Variants in WDR37 observed in about 807,000 individuals in gnomAD.
WDR37 encodes the protein WD repeat-containing protein 37.
A neutral mutation model predicts 62.9 loss-of-function variants in WDR37; 19 were observed. The observed-to-expected ratio is 0.30, with a 90% CI of 0.21 to 0.44. The LOEUF (loss-of-function observed/expected upper bound fraction) is 0.44, where lower values mean the gene tolerates loss of function less well. Among genes scored for constraint, WDR37 ranks in the 20% least tolerant of loss-of-function variants. The pLI, the probability that WDR37 is intolerant of heterozygous loss-of-function variation, is 1.00. For synonymous variants in WDR37, 250 were observed against 260.9 expected (o/e 0.96, Z 0.40); for missense variants, 474 against 657.6 (o/e 0.72, Z 3.05).
chr10:1,116,204 C>G (rs1329366831), intron 11 of WDR37, among the ~76,000 whole-genome samples: 1 of 151,828 alleles, frequency 6.6e-6, no homozygotes, highest in Non-Finnish European at 1.5e-5. Context: ...CCTGGGTTGT[C>G]TCTGCCCTGT....
In WDR37 at chr10:1,124,296, C is replaced by T; in HGVS notation, c.1182C>T (p.Asp394=). The change falls in exon 12 of 14, where the codon GAC becomes GAT. Residue 394 remains aspartate, a synonymous_variant. Transcript: ENST00000263150. ...ATGACCGCACGGTGAAAGTCTGGGA[C>T]TTGAAAAATATGAGATCCCCCATTG... The part of the protein sequence containing the change: ...GSDDRTVKVW[D]LKNMRSPIAT... 6.2e-7 allele frequency: 1 copy of T among 1,614,178 alleles called. No homozygotes were observed.
intron 2 of WDR37, among the ~76,000 whole-genome samples, chr10:1,077,371 T>C (rs1215661176): frequency 6.6e-6 from 1 of 152,202 alleles, no homozygotes; most frequent in African/African-American, 2.4e-5. Context: ...TTTGGCTCTT[T>C]TTTGTGAAAT....
At position 1,131,047 on chromosome 10, in the gene WDR37, C is replaced by T. The variant is rs1835938124; in HGVS notation, c.*1703C>T. The T allele has an allele frequency of 2.0e-5, 3 of 152,242 alleles. No individual in the cohort carries two copies. The allele number at this position is 152,242 out of a possible 1,614,324, so 9.4% of individuals were successfully genotyped here. On this transcript the variant is annotated 3_prime_UTR_variant, in exon 14 of 14. Transcript: ENST00000263150. Reference sequence around the variant, plus strand: ...GTTGTGTTTTTGTCCGACATTATTTCCTGACTGCACTGTTCTGAGAATGGA... The same window carrying T: ...GTTGTGTTTTTGTCCGACATTATTTTCTGACTGCACTGTTCTGAGAATGGA...
At chr10:1,089,111 G>C (rs1226363831) in intron 7 of WDR37, among the ~76,000 whole-genome samples, 1 of 152,074 alleles carries the variant, frequency 6.6e-6, no homozygotes, top group East Asian at 1.9e-4. Context: ...CAGGCCCTGA[G>C]CTTTAGTTTC....
Position 1,129,368 on chromosome 10 carries a change from A to G in WDR37, c.*24A>G, listed in dbSNP as rs370475019. 5 of 1,613,506 alleles carry G rather than the reference A, an allele frequency of 3.1e-6. No homozygotes were observed. The highest frequency in any genetic ancestry group is 4.2e-6 in the Non-Finnish European group (5 of 1,179,636). Reference sequence around the variant, plus strand: ...AAGGACACCGGCAGCCCTTAGTTTCACTGTTTGCCAGCACAGACCTTTGAT... The same window carrying G: ...AAGGACACCGGCAGCCCTTAGTTTCGCTGTTTGCCAGCACAGACCTTTGAT... On this transcript the variant is annotated 3_prime_UTR_variant, in exon 14 of 14. Coordinates refer to ENST00000263150, the MANE Select transcript of WDR37 (RefSeq NM_014023.4).
rs117164600 is a variant in WDR37 at position 1,062,204 on chromosome 10, A to G, written c.-41+5236A>G. 3.2e-3 allele frequency among the ~76,000 whole-genome samples: 488 copies of G among 152,296 alleles called. 7 individuals carry two copies. Among genetic ancestry groups the G allele is most frequent in the Non-Finnish European group, 1.7e-3 (113 of 68,022 alleles). The stretch of plus-strand genomic sequence containing the variant: ...GGAGGTGATTGTAGGAAATGCATAC[A>G]TTTGGTTGTAGTTGATCAGCAGAAA... On this transcript the variant is annotated intron_variant, in intron 1 of 13. Transcript: ENST00000263150.
At position 1,077,939 on chromosome 10, in the gene WDR37, A is replaced by G. The variant is rs372478734; in HGVS notation, c.171A>G (p.Thr57=). Residue 57 remains threonine, a synonymous_variant, in exon 3 of 14, where the codon ACA becomes ACG. Coordinates refer to ENST00000263150, the MANE Select transcript of WDR37 (RefSeq NM_014023.4). The part of the protein sequence containing the change: ...DSKLPSSVRS[T]LLELFGQIER... ...AACTGCCTTCCTCGGTTCGCAGTAC[A>G]CTTCTGGAACTGTTTGGTCAAATAG... The G allele has an allele frequency of 5.0e-6, 8 of 1,611,968 alleles. No individual in the cohort carries two copies. In the African/African-American group the frequency reaches 8.0e-5, roughly 16 times the overall value.
At chr10:1,071,107 C>T (rs1833714609) in intron 1 of WDR37, among the ~76,000 whole-genome samples, 1 of 152,194 alleles carries the variant, frequency 6.6e-6, no homozygotes, top group Admixed American at 6.5e-5. Context: ...TAAAGGTTAG[C>T]GTATTTTTCC....
At chr10:1,089,281 C>A (rs4880473) in intron 7 of WDR37, among the ~76,000 whole-genome samples, 3 of 151,872 alleles carry the variant, frequency 2.0e-5, no homozygotes, top group Non-Finnish European at 4.4e-5. Flanking sequence ...GTTCCTGTCA[C>A]GGCCGCTCAC....
chr10:1,079,090 T>A (rs1415572826), intron 3 of WDR37, among the ~76,000 whole-genome samples: 1 of 100,348 alleles, frequency 1.0e-5, no homozygotes, highest in Non-Finnish European at 2.5e-5. Flanking sequence ...TCAACTTTTT[T>A]GTTTTTTTTT....
intron 9 of WDR37, among the ~76,000 whole-genome samples, chr10:1,097,657 G>C (rs748263815): frequency 6.6e-6 from 1 of 152,190 alleles, no homozygotes; most frequent in Non-Finnish European, 1.5e-5. Flanking sequence ...GAGCCAAGGG[G>C]GTGACACCTC....
chr10:1,060,656 T>C (rs1833346394), intron 1 of WDR37, among the ~76,000 whole-genome samples: 1 of 152,236 alleles, frequency 6.6e-6, no homozygotes, highest in African/African-American at 2.4e-5. Flanking sequence ...TGAAGAAGTT[T>C]GTTTTTTCTC....
In WDR37 at chr10:1,103,492, G is replaced by A; in HGVS notation, c.727-110G>A. ...GGCTCCTAGTGGTGACCATCATGAT[G>A]GATATGTCCTCAAGAGATTAATGAG... On this transcript the variant is annotated intron_variant, in intron 9 of 13. Coordinates refer to ENST00000263150, the MANE Select transcript of WDR37 (RefSeq NM_014023.4). This position sits in a 1 kb window ranked among gnomAD's most constrained non-coding sequence, Gnocchi z 6.3. The A allele has an allele frequency of 1.7e-6, 2 of 1,170,600 alleles. No individual in the cohort carries two copies. Among genetic ancestry groups the A allele is most frequent in the Non-Finnish European group, 2.4e-6 (2 of 826,994 alleles). 72.5% of individuals were successfully genotyped at this position (1,170,600 alleles called of 1,614,324 possible). A position where few individuals can be genotyped will look rare whatever the true frequency, so the allele number is the denominator to read the frequency against.
intron 1 of WDR37, among the ~76,000 whole-genome samples, chr10:1,069,753 C>G (rs1163793060): frequency 6.6e-6 from 1 of 151,962 alleles, no homozygotes; most frequent in African/African-American, 2.4e-5. Flanking sequence ...ATATATGTAA[C>G]AGAATGACAA....
At position 1,124,123 on chromosome 10, in the gene WDR37, C is replaced by T. The variant is rs1294240607; in HGVS notation, c.1104-95C>T. The T allele has an allele frequency of 3.2e-6, 5 of 1,557,596 alleles. No individual in the cohort carries two copies. The African/African-American group carries it at 4.1e-5, about 13-fold the overall frequency. On this transcript the variant is annotated intron_variant, in intron 11 of 13. Transcript: ENST00000263150. Reference sequence around the variant, plus strand: ...GAGCTGTGAGTTTGCGCTTCTCCGACCTCCTTCCCACCCACTTGGTCAGGG... The same window carrying T: ...GAGCTGTGAGTTTGCGCTTCTCCGATCTCCTTCCCACCCACTTGGTCAGGG...
chr10:1,075,933 C>G (rs1833865951), intron 2 of WDR37, among the ~76,000 whole-genome samples: 1 of 152,080 alleles, frequency 6.6e-6, no homozygotes, highest in African/African-American at 2.4e-5. Context: ...GTGCCTGCCA[C>G]CACTCCTGGT....
At chr10:1,095,553 A>T (rs1346750214) in intron 8 of WDR37, among the ~76,000 whole-genome samples, 1 of 152,194 alleles carries the variant, frequency 6.6e-6, no homozygotes, top group Non-Finnish European at 1.5e-5. Context: ...GCTGGGTGGC[A>T]GTGAAGAGAA....
intron 1 of WDR37, among the ~76,000 whole-genome samples, chr10:1,066,101 T>C (rs1386840246): frequency 6.6e-6 from 1 of 151,850 alleles, no homozygotes; most frequent in African/African-American, 2.4e-5. Flanking sequence ...TAGTCTAAAA[T>C]GGAGAAAAGA....
At chr10:1,113,950 C>CTTTTTT (rs56654628) in intron 11 of WDR37, among the ~76,000 whole-genome samples, 5,631 of 76,130 alleles carry the variant, frequency 0.074, 929 homozygotes, top group East Asian at 0.26. Context: ...GGTAAAATGC[C>CTTTTTT]TTTTTTTTTT....
Sources: gnomAD v4.1 joint callset for allele counts (sites outside exome capture counted in the v4.1 genomes callset) on GRCh38, gnomAD v4.1.1 for gene constraint, Gnocchi (gnomAD v3.1) non-coding constraint, MANE v1.5 for transcripts, NCBI Gene and HGNC (gene_info 2026-07-23, HGNC 2026-07-21) for gene names.